ZNF365: variants seen among roughly 807,000 people sequenced by gnomAD.
The protein encoded by ZNF365 is protein ZNF365.
ZNF365 carries 22 observed loss-of-function variants against 35.0 expected under a neutral mutation model. The observed-to-expected ratio is 0.63, with a 90% CI of 0.45 to 0.90. The LOEUF (loss-of-function observed/expected upper bound fraction) is 0.90. Ranked by LOEUF, ZNF365 falls within the 40% of genes least tolerant of loss-of-function variation. ZNF365 has a pLI of 0.00. For missense variants in ZNF365, 448 were observed against 500.3 expected (o/e 0.90, Z 1.00); for synonymous variants, 188 against 196.2 (o/e 0.96, Z 0.35).
chr10:62,398,611 C>T (rs1028524341), intron 3 of ZNF365, 129 bp from the exon 4 acceptor site: 14 of 750,050 alleles, frequency 1.9e-5, no homozygotes, highest in African/African-American at 8.9e-5. Context: ...TGCTGCAGGT[C>T]GTGCTACCAG....
intron 3 of ZNF365, among the ~76,000 whole-genome samples, chr10:62,445,172 T>C (rs1457931538): frequency 1.3e-5 from 2 of 151,126 alleles, no homozygotes; most frequent in East Asian, 3.9e-4. Context: ...ATCCAGTCTA[T>C]CATTGTTGGA....
chr10:62,407,434 C>T (rs1839921454), downstream of ZNF365, among the ~76,000 whole-genome samples: 1 of 152,216 alleles, frequency 6.6e-6, no homozygotes, highest in Non-Finnish European at 1.5e-5. Context: ...TGAAGGACCC[C>T]ACAAGAAGCT....
At chr10:62,478,649 C>T (rs1294660308) in intron 4 of ZNF365, among the ~76,000 whole-genome samples, 1 of 152,230 alleles carries the variant, frequency 6.6e-6, no homozygotes, top group Non-Finnish European at 1.5e-5. Context: ...TCTCCGCTCA[C>T]TGCAAGCTCC....
chr10:62,423,812 A>G (rs1451817963), intron 3 of ZNF365, among the ~76,000 whole-genome samples: 3 of 152,178 alleles, frequency 2.0e-5, no homozygotes, highest in Non-Finnish European at 2.9e-5. Context: ...ATTGATTTAG[A>G]GAGGAAATAA....
intron 3 of ZNF365, among the ~76,000 whole-genome samples, chr10:62,444,084 G>A (rs764262378): frequency 1.3e-5 from 2 of 152,180 alleles, no homozygotes; most frequent in Non-Finnish European, 2.9e-5. Context: ...CTAGGGCTGA[G>A]AAGTGTCAGA....
At chr10:62,398,613 T>G (rs1403248154) in intron 3 of ZNF365, 127 bp from the exon 4 acceptor site, 1 of 770,358 alleles carries the variant, frequency 1.3e-6, no homozygotes, top group East Asian at 2.7e-5. Flanking sequence ...CTGCAGGTCG[T>G]GCTACCAGTA....
At position 62,451,056 on chromosome 10, in the gene ZNF365, A is replaced by T. The variant is rs956614170; in HGVS notation, c.925-8685A>T. Reference sequence around the variant, plus strand: ...GGTGTTTAGACCTATAAATTCATCCACACATGCCCCAAATGAAACTACGTG... The same window carrying T: ...GGTGTTTAGACCTATAAATTCATCCTCACATGCCCCAAATGAAACTACGTG... On this transcript the variant is annotated intron_variant, in intron 3 of 4. Coordinates refer to the ZNF365 transcript ENST00000395255. 3.9e-5 allele frequency among the ~76,000 whole-genome samples: 6 copies of T among 152,338 alleles called. No individual in the cohort carries two copies. The East Asian group carries it at 9.6e-4, about 24-fold the overall frequency.
Position 62,401,594 on chromosome 10 carries a change from A to T in ZNF365, c.*1805A>T. On this transcript the variant is annotated 3_prime_UTR_variant, in exon 5 of 5. Transcript: ENST00000395254. ...ACATTGTAAAAATTGTAATGTTATA[A>T]TTATTATTTATTTGGAGAATTAACT... is the stretch of plus-strand genomic sequence containing the variant. The T allele has an allele frequency of 2.0e-6, 2 of 984,138 alleles. No individual in the cohort carries two copies. Among genetic ancestry groups the T allele is most frequent in the South Asian group, 9.4e-5 (2 of 21,254 alleles). The allele number at this position is 984,138 out of a possible 1,614,324, so 61.0% of individuals were successfully genotyped here.
chr10:62,388,711 C>T (rs1275826203), intron 3 of ZNF365, 135 bp downstream of exon 3: 9 of 1,086,538 alleles, frequency 8.3e-6, no homozygotes, highest in Non-Finnish European at 1.2e-5. Context: ...CTGGGCCATG[C>T]CTGTATTGTG....
intron 3 of ZNF365, among the ~76,000 whole-genome samples, chr10:62,455,462 T>A (rs958139286): frequency 2.0e-5 from 3 of 152,124 alleles, no homozygotes; most frequent in African/African-American, 7.2e-5. Context: ...AATACAGAAA[T>A]TTGGAAACTA....
At chr10:62,411,719 C>A (rs568505781) in intron 3 of ZNF365, among the ~76,000 whole-genome samples, 2 of 152,110 alleles carry the variant, frequency 1.3e-5, no homozygotes, top group East Asian at 3.9e-4. Context: ...CATGGTGACT[C>A]CAGCTTTGTT....
chr10:62,423,741 G>T (rs1475999265), intron 3 of ZNF365, among the ~76,000 whole-genome samples: 1 of 152,152 alleles, frequency 6.6e-6, no homozygotes, highest in Non-Finnish European at 1.5e-5. Context: ...GTTACAAGGA[G>T]ATCACAGCTC....
At chr10:62,458,872 TTTG>T (rs1442256924) in intron 3 of ZNF365, among the ~76,000 whole-genome samples, 1 of 152,172 alleles carries the variant, frequency 6.6e-6, no homozygotes, top group Non-Finnish European at 1.5e-5. Flanking sequence ...ATTTTGGTTT[TTTG>T]TTGTTATTTG....
chr10:62,470,946 A>G (rs1295579420), intron 4 of ZNF365, among the ~76,000 whole-genome samples: 2 of 150,750 alleles, frequency 1.3e-5, no homozygotes, highest in African/African-American at 4.9e-5. Flanking sequence ...TTAACCTCTT[A>G]TATACCTTCA....
intron 4 of ZNF365, 151 bp from the exon 5 acceptor site, chr10:62,399,377 A>G: frequency 8.5e-7 from 1 of 1,181,978 alleles, no homozygotes. Flanking sequence ...TGGAAGAAAA[A>G]TACTCATATT....
Position 62,376,352 on chromosome 10 carries a change from C to G in ZNF365, c.159C>G (p.Tyr53Ter). The G allele has an allele frequency of 1.9e-6, 3 of 1,614,134 alleles. No individual in the cohort carries two copies. Among genetic ancestry groups the G allele is most frequent in the South Asian group, 1.1e-5 (1 of 91,078 alleles). ...CCCATCTGGAGTTCAGTCACAGCTA[C>G]GAAGAAAGAACCCTCTTGACAAAAT... ...LRAHLEFSHSYEERTLLTKCS... is the reference protein window; with the variant it reads ...LRAHLEFSHS Residue 53 changes from tyrosine to a stop codon, truncating the protein, a stop_gained, in exon 2 of 5, where the codon TAC becomes TAG. Coordinates refer to ENST00000395254, the MANE Select transcript of ZNF365 (RefSeq NM_014951.3). LOFTEE classifies it high-confidence loss of function.
chr10:62,375,838 G>T (rs541888326), intron 1 of ZNF365: 1 of 224,828 alleles, frequency 4.4e-6, no homozygotes, highest in East Asian at 1.1e-4. Flanking sequence ...GAGAGGGAAT[G>T]TTACCCACCT....
chr10:62,376,568 T>C lies in ZNF365; in HGVS notation c.375T>C (p.Tyr125=). The C allele has an allele frequency of 6.2e-7, 1 of 1,613,876 alleles. No homozygotes were observed. The highest frequency in any genetic ancestry group is 8.5e-7 in the Non-Finnish European group (1 of 1,179,994). The change falls in exon 2 of 5, where the codon TAT becomes TAC. Residue 125 remains tyrosine (Y), a synonymous_variant. Coordinates refer to ENST00000395254, the MANE Select transcript of ZNF365 (RefSeq NM_014951.3). ...TGGTGGCAGAGAGGCCTGTGTCCTA[T>C]GTGCAGACCTACACTGCCATGGACC... The part of the protein sequence containing the change: ...FEVVAERPVS[Y]VQTYTAMDLH...
intron 2 of ZNF365, among the ~76,000 whole-genome samples, chr10:62,381,055 G>A (rs1419610290): frequency 1.3e-5 from 2 of 152,150 alleles, no homozygotes; most frequent in Non-Finnish European, 2.9e-5. Context: ...GGAAGAATAA[G>A]GGATACTCAG....
Sources: gnomAD v4.1 joint callset for allele counts (sites outside exome capture counted in the v4.1 genomes callset) on GRCh38, gnomAD v4.1.1 for gene constraint, MANE v1.5 for transcripts, NCBI Gene and HGNC (gene_info 2026-07-23, HGNC 2026-07-21) for gene names.